Variants in CNTNAP2 observed in about 807,000 individuals in gnomAD.
CNTNAP2 encodes contactin associated protein 2.
In CNTNAP2, 98 loss-of-function variants were observed where a neutral mutation model predicts 155.2. The observed-to-expected ratio is 0.63, with a 90% CI of 0.54 to 0.75. The LOEUF (loss-of-function observed/expected upper bound fraction) is 0.75. Ranked by LOEUF, CNTNAP2 falls within the 30% of genes least tolerant of loss-of-function variation. The pLI, the probability that CNTNAP2 is intolerant of heterozygous loss-of-function variation, is 0.00. For synonymous variants in CNTNAP2, 651 were observed against 631.2 expected, an observed-to-expected ratio of 1.03 and a Z score of -0.47; for missense variants, 1,727 against 1,688.1, an observed-to-expected ratio of 1.02 and a Z score of -0.40.
At chr7:146,496,003 A>G (rs1013014126) in intron 1 of CNTNAP2, among the ~76,000 whole-genome samples, 4 of 152,108 alleles carry the variant, frequency 2.6e-5, no homozygotes, top group Non-Finnish European at 5.9e-5. Flanking sequence ...CCTACTTCTT[A>G]TATTTGCTGG....
At chr7:147,498,470 A>C (rs1798751696) in intron 11 of CNTNAP2, among the ~76,000 whole-genome samples, 1 of 152,248 alleles carries the variant, frequency 6.6e-6, no homozygotes, top group African/African-American at 2.4e-5. Context: ...ATTTTCGCTA[A>C]GCTTCCTTTC....
chr7:147,202,130 T>C (rs183132157), intron 8 of CNTNAP2, among the ~76,000 whole-genome samples: 29 of 148,464 alleles, frequency 2.0e-4, no homozygotes, highest in African/African-American at 6.2e-4. Flanking sequence ...AAAGAAAAAA[T>C]AGTAAAGATA....
intron 12 of CNTNAP2, among the ~76,000 whole-genome samples, chr7:147,579,405 G>T (rs927795118): frequency 6.6e-6 from 1 of 152,092 alleles, no homozygotes; most frequent in African/African-American, 2.4e-5. Flanking sequence ...ATCTGATTGT[G>T]TGGAACTTAT....
Position 148,383,734 on chromosome 7 carries a change from C to A in CNTNAP2, c.3561C>A (p.Ile1187=). Residue 1187 remains isoleucine, a synonymous_variant, in exon 22 of 24, where the codon ATC becomes ATA. Transcript: ENST00000361727. ...TCTCCAGAGTCCAGTTCAACCAGATCGCCCCTCTCAAGGCCGCCTTGAGGC... is the reference window on the plus strand; with the variant it reads ...TCTCCAGAGTCCAGTTCAACCAGATAGCCCCTCTCAAGGCCGCCTTGAGGC... ...GCLSRVQFNQ[I]APLKAALRQT... is the part of the protein sequence containing the mutation. 6.2e-7 allele frequency: 1 copy of A among 1,614,206 alleles called. No homozygotes were observed. Among genetic ancestry groups the A allele is most frequent in the Non-Finnish European group, 8.5e-7 (1 of 1,180,044 alleles).
rs1431815969 is a variant in CNTNAP2, at chr7:146,409,962, C to T, written c.97+292989C>T. On this transcript the variant is annotated intron_variant, in intron 1 of 23. Transcript: ENST00000361727. ...CTTCTGACTTGGTCTTTCTGTGTGT[C>T]GCCTGTGCTCTGTAATGATTACTTA... 2.6e-5 allele frequency among the ~76,000 whole-genome samples: 4 copies of T among 152,236 alleles called. No homozygotes were observed. In the East Asian group the frequency reaches 5.8e-4, roughly 22 times the overall value.
chr7:146,166,931 T>C lies in CNTNAP2; in HGVS notation c.97+49958T>C, dbSNP rs1258774444. Among the ~76,000 whole-genome samples the C allele has an allele frequency of 2.6e-5, 4 of 152,218 alleles. 1 individual carries two copies. Among genetic ancestry groups the C allele is most frequent in the African/African-American group, 9.6e-5 (4 of 41,538 alleles). ...AAATGGTAAGAAATTAAAAAAGAAG[T>C]CCGAAACCACATGTGAGTAACGTGA... On this transcript the variant is annotated intron_variant, in intron 1 of 23. Transcript: ENST00000361727.
chr7:146,881,137 A>G (rs1218309850), intron 3 of CNTNAP2, among the ~76,000 whole-genome samples: 1 of 152,130 alleles, frequency 6.6e-6, no homozygotes, highest in Non-Finnish European at 1.5e-5. Flanking sequence ...ACTGCCATCC[A>G]ATAGAACCCT....
At chr7:146,333,300 C>T (rs1801216665) in intron 1 of CNTNAP2, among the ~76,000 whole-genome samples, 1 of 152,018 alleles carries the variant, frequency 6.6e-6, no homozygotes, top group South Asian at 2.1e-4. Flanking sequence ...CTTTAAGAGT[C>T]AAAATGATGC....
chr7:147,267,678 G>T (rs1405752796), intron 8 of CNTNAP2, among the ~76,000 whole-genome samples: 1 of 111,552 alleles, frequency 9.0e-6, no homozygotes, highest in Admixed American at 8.7e-5. Flanking sequence ...GCATAGAATT[G>T]GGATTCACTT....
At chr7:147,538,974 C>G (rs566747590) in intron 11 of CNTNAP2, among the ~76,000 whole-genome samples, 8 of 152,070 alleles carry the variant, frequency 5.3e-5, no homozygotes, top group Non-Finnish European at 1.2e-4. Context: ...TGAGGTGTCT[C>G]TTAATATAAC....
intron 3 of CNTNAP2, among the ~76,000 whole-genome samples, chr7:146,957,744 T>A (rs1797465708): frequency 6.6e-6 from 1 of 152,082 alleles, no homozygotes; most frequent in Non-Finnish European, 1.5e-5. Flanking sequence ...TATCAAAACA[T>A]CTCATGTACT....
At chr7:147,328,020 A>G (rs1795492754) in intron 9 of CNTNAP2, among the ~76,000 whole-genome samples, 1 of 152,210 alleles carries the variant, frequency 6.6e-6, no homozygotes, top group Non-Finnish European at 1.5e-5. Flanking sequence ...TGGCACTTAT[A>G]CAAACAAAAT....
chr7:148,371,031 C>T (rs1375086596), intron 21 of CNTNAP2, among the ~76,000 whole-genome samples: 1 of 152,182 alleles, frequency 6.6e-6, no homozygotes, highest in African/African-American at 2.4e-5. Context: ...CAGAACTGAT[C>T]ACCTCTCTGG....
At chr7:147,174,033 C>G (rs1226459637) in intron 8 of CNTNAP2, among the ~76,000 whole-genome samples, 3 of 152,052 alleles carry the variant, frequency 2.0e-5, no homozygotes, top group Non-Finnish European at 4.4e-5. Flanking sequence ...GGCAGGTCCT[C>G]TATATTCCTC....
chr7:146,179,241 T>C (rs1562979114), intron 1 of CNTNAP2, among the ~76,000 whole-genome samples: 1 of 152,072 alleles, frequency 6.6e-6, no homozygotes, highest in Non-Finnish European at 1.5e-5. Flanking sequence ...GATGGGAACA[T>C]GGCCGTTCTG....
At chr7:147,219,375 A>G (rs146309433) in intron 8 of CNTNAP2, among the ~76,000 whole-genome samples, 16 of 152,310 alleles carry the variant, frequency 1.1e-4, no homozygotes, top group African/African-American at 3.6e-4. Flanking sequence ...CCTTCAATCT[A>G]TAGCAGAAGA....
chr7:146,359,179 T>C (rs1431140438), intron 1 of CNTNAP2, among the ~76,000 whole-genome samples: 7 of 152,258 alleles, frequency 4.6e-5, no homozygotes, highest in Non-Finnish European at 1.0e-4. Context: ...CTGGGCACAA[T>C]GCCATTGTAA....
intron 20 of CNTNAP2, among the ~76,000 whole-genome samples, chr7:148,248,352 C>T (rs1031043678): frequency 6.6e-6 from 1 of 152,158 alleles, no homozygotes; most frequent in Non-Finnish European, 1.5e-5. Flanking sequence ...GCACATGGCA[C>T]TACACCCGGC....
At chr7:146,140,010 T>G (rs1412411880) in intron 1 of CNTNAP2, among the ~76,000 whole-genome samples, 1 of 152,180 alleles carries the variant, frequency 6.6e-6, no homozygotes, top group Non-Finnish European at 1.5e-5. Context: ...AGCCCTCTGT[T>G]GGAATATCTT....
Sources: allele counts gnomAD v4.1 joint callset (sites outside exome capture counted in the v4.1 genomes callset), GRCh38; gene constraint gnomAD v4.1.1; transcripts MANE v1.5; gene names NCBI Gene and HGNC (gene_info 2026-07-23, HGNC 2026-07-21).